AGMO: variants seen among roughly 807,000 people sequenced by gnomAD.
The protein encoded by AGMO is alkylglycerol monooxygenase.
A neutral mutation model predicts 60.2 loss-of-function variants in AGMO; 75 were observed. The observed-to-expected ratio is 1.25, with a 90% CI of 1.03 to 1.51. The LOEUF (loss-of-function observed/expected upper bound fraction) is 1.51. Among genes scored for constraint, AGMO ranks in the 40% most tolerant of loss-of-function variants. AGMO has a pLI of 0.00. For missense variants in AGMO, 763 were observed against 525.5 expected, an observed-to-expected ratio of 1.45 and a Z score of -4.42; for synonymous variants, 261 against 177.1, an observed-to-expected ratio of 1.47 and a Z score of -3.76.
intron 3 of AGMO, 85 bp downstream of exon 3, chr7:15,544,687 C>T (rs1784725162): frequency 1.9e-6 from 2 of 1,055,182 alleles, no homozygotes; most frequent in Admixed American, 3.1e-5. Flanking sequence ...TGTATTTATC[C>T]ATTCAATAAA....
chr7:15,321,800 A>C (rs1370501330), intron 12 of AGMO, among the ~76,000 whole-genome samples: 3 of 152,094 alleles, frequency 2.0e-5, no homozygotes, highest in Admixed American at 6.6e-5. Context: ...AAATATGGCT[A>C]GATTGATTAT....
chr7:15,498,089 T>C (rs1345714193), intron 3 of AGMO, among the ~76,000 whole-genome samples: 4 of 151,992 alleles, frequency 2.6e-5, no homozygotes, highest in Non-Finnish European at 4.4e-5. Context: ...AAACATACTA[T>C]GTCAAAAGCT....
At chr7:15,522,274 C>T (rs546051912) in intron 3 of AGMO, among the ~76,000 whole-genome samples, 1 of 152,210 alleles carries the variant, frequency 6.6e-6, no homozygotes, top group African/African-American at 2.4e-5. Context: ...GCCATACTGC[C>T]CAAAGTAATT....
At chr7:15,349,193 CCTT>C (rs1782143309) in intron 12 of AGMO, among the ~76,000 whole-genome samples, 2 of 152,066 alleles carry the variant, frequency 1.3e-5, no homozygotes, top group African/African-American at 2.4e-5. Flanking sequence ...TCTCAGAAAA[CCTT>C]CTTTAACACC....
At chr7:15,452,052 T>C (rs762686053) in intron 3 of AGMO, among the ~76,000 whole-genome samples, 34 of 152,162 alleles carry the variant, frequency 2.2e-4, no homozygotes, top group Non-Finnish European at 4.7e-4. Flanking sequence ...GAAGTTCATC[T>C]ACAAGGATTC....
rs71004377 is a variant in AGMO at position 15,375,386 on chromosome 7, A to ATTT, written c.1075-9167_1075-9165dup. On this transcript the variant is annotated intron_variant, in intron 10 of 12. Transcript: ENST00000342526. ...CAGATCAGACTTTCTTTCTAAAAGG[A>ATTT]TTTTTTTTTTTTTTTTTTTTTTTTT... Among the ~76,000 whole-genome samples the ATTT allele has an allele frequency of 1.8e-3, 198 of 109,438 alleles. 6 individuals carry two copies. The highest frequency in any genetic ancestry group is 0.016 in the Middle Eastern group (3 of 192). 71.8% of individuals were successfully genotyped at this position (109,438 alleles called of 152,430 possible).
intron 12 of AGMO, among the ~76,000 whole-genome samples, chr7:15,354,349 TATATAGAC>T: frequency 3.1e-5 from 3 of 96,826 alleles, no homozygotes; most frequent in African/African-American, 1.4e-4. Flanking sequence ...TACACGCGTG[TATATAGAC>T]GTGTGTATAT....
At chr7:15,316,581 T>A (rs979064897) in intron 12 of AGMO, among the ~76,000 whole-genome samples, 1 of 144,508 alleles carries the variant, frequency 6.9e-6, no homozygotes, top group East Asian at 2.1e-4. Flanking sequence ...GAAGACTTCT[T>A]GTATGAGACT....
chr7:15,507,987 T>C (rs746133990), intron 3 of AGMO, among the ~76,000 whole-genome samples: 4 of 151,998 alleles, frequency 2.6e-5, no homozygotes, highest in Non-Finnish European at 5.9e-5. Context: ...TTGTTAAAAA[T>C]GTACCGTAAT....
intron 12 of AGMO, among the ~76,000 whole-genome samples, chr7:15,210,285 A>T (rs965014621): frequency 6.6e-6 from 1 of 152,150 alleles, no homozygotes; most frequent in Non-Finnish European, 1.5e-5. Flanking sequence ...TCTTTTTCAT[A>T]TGTTCAAAAA....
chr7:15,464,848 A>T (rs751288390), intron 3 of AGMO, among the ~76,000 whole-genome samples: 6 of 152,194 alleles, frequency 3.9e-5, no homozygotes, highest in Non-Finnish European at 8.8e-5. Context: ...CTTAATCCCC[A>T]GGAAAATAAC....
rs1391326102 is a variant in AGMO at position 15,366,227 on chromosome 7, C to G, written c.1075-5G>C. Reference sequence around the variant, plus strand: ...GAGAGTAACTTGCGACAGTGCCTGTCAAACAAACACGGAGATCAATGGAGC... The same window carrying G: ...GAGAGTAACTTGCGACAGTGCCTGTGAAACAAACACGGAGATCAATGGAGC... On this transcript the variant is annotated splice_region_variant and splice_polypyrimidine_tract_variant and intron_variant, in intron 10 of 12. Coordinates refer to ENST00000342526, the MANE Select transcript of AGMO (RefSeq NM_001004320.2). The G allele has an allele frequency of 2.5e-6, 4 of 1,597,560 alleles. No individual in the cohort carries two copies. Among genetic ancestry groups the G allele is most frequent in the Non-Finnish European group, 3.4e-6 (4 of 1,170,504 alleles).
At chr7:15,469,833 G>C (rs957285475) in intron 3 of AGMO, among the ~76,000 whole-genome samples, 1 of 152,080 alleles carries the variant, frequency 6.6e-6, no homozygotes, top group African/African-American at 2.4e-5. Flanking sequence ...AGATGCCACA[G>C]TTGGAAATAT....
chr7:15,361,674 T>G (rs1370608142), intron 12 of AGMO, among the ~76,000 whole-genome samples: 1 of 151,788 alleles, frequency 6.6e-6, no homozygotes. Context: ...CACATCAACA[T>G]AACCACTAAT....
intron 3 of AGMO, among the ~76,000 whole-genome samples, chr7:15,447,055 T>C (rs1583561469): frequency 6.6e-6 from 1 of 152,334 alleles, no homozygotes; most frequent in East Asian, 1.9e-4. Context: ...TGAAAGGGAA[T>C]AAATGAATAT....
chr7:15,557,972 G>A (rs1785192943), intron 2 of AGMO, among the ~76,000 whole-genome samples: 1 of 133,980 alleles, frequency 7.5e-6, no homozygotes, highest in African/African-American at 2.8e-5. Context: ...CTGAAGGACT[G>A]GTTTGTTTTG....
chr7:15,331,518 A>C (rs1781497873), intron 12 of AGMO, among the ~76,000 whole-genome samples: 1 of 152,216 alleles, frequency 6.6e-6, no homozygotes, highest in South Asian at 2.1e-4. Flanking sequence ...CCCTGTGTGA[A>C]AACAGGCTGT....
At chr7:15,404,842 G>A (rs934761589) in intron 5 of AGMO, among the ~76,000 whole-genome samples, 1 of 151,778 alleles carries the variant, frequency 6.6e-6, no homozygotes, top group African/African-American at 2.4e-5. Flanking sequence ...CATCATCTGA[G>A]CATTAGATAC....
At chr7:15,303,520 T>G (rs1181629019) in intron 12 of AGMO, among the ~76,000 whole-genome samples, 1 of 151,904 alleles carries the variant, frequency 6.6e-6, no homozygotes, top group Non-Finnish European at 1.5e-5. Flanking sequence ...TCCCACCCAG[T>G]GAGAAGAAAT....
Sources: gnomAD v4.1 joint callset for allele counts (sites outside exome capture counted in the v4.1 genomes callset) on GRCh38, gnomAD v4.1.1 for gene constraint, MANE v1.5 for transcripts, NCBI Gene and HGNC (gene_info 2026-07-23, HGNC 2026-07-21) for gene names.